CAMK2B: variants seen among roughly 807,000 people sequenced by gnomAD.
CAMK2B encodes calcium/calmodulin-dependent protein kinase type II subunit beta.
A neutral mutation model predicts 93.7 loss-of-function variants in CAMK2B; 27 were observed. The ratio of observed to expected loss-of-function variants is 0.29; its 90% CI spans 0.21 to 0.40. The LOEUF is 0.40. Among genes scored for constraint, CAMK2B ranks in the 10% least tolerant of loss-of-function variants. The pLI, the probability that CAMK2B is intolerant of heterozygous loss-of-function variation, is 1.00. For missense variants in CAMK2B, 568 were observed against 895.8 expected (o/e 0.63, Z 4.67); for synonymous variants, 374 against 358.8 (o/e 1.04, Z -0.48).
chr7:44,220,545 T>G, intron 22 of CAMK2B, 71 bp downstream of exon 22: 2 of 1,335,160 alleles, frequency 1.5e-6, no homozygotes, highest in African/African-American at 2.9e-5. Flanking sequence ...CACCATGCTG[T>G]CCCTGGGAGG....
chr7:44,311,162 A>G lies in CAMK2B; in HGVS notation c.65+14195T>C, dbSNP rs1793443309. Reference sequence around the variant, plus strand: ...GATCTCGGCTCACTGCAACCTCTGCAACCCCCTGGTTCAAGCGATTCTCCT... The same window carrying G: ...GATCTCGGCTCACTGCAACCTCTGCGACCCCCTGGTTCAAGCGATTCTCCT... On this transcript the variant is annotated intron_variant, in intron 1 of 23. Coordinates refer to ENST00000395749, the MANE Select transcript of CAMK2B (RefSeq NM_001220.5). The surrounding 1 kb of genome is among the most constrained non-coding windows in gnomAD (Gnocchi z 4.2). 6.6e-6 allele frequency among the ~76,000 whole-genome samples: 1 copy of G among 152,062 alleles called. No individual in the cohort carries two copies. The highest frequency in any genetic ancestry group is 1.5e-5 in the Non-Finnish European group (1 of 68,002).
At position 44,298,249 on chromosome 7, in the gene CAMK2B, T is replaced by C. The variant is rs537201464; in HGVS notation, c.66-14024A>G. 5.3e-5 allele frequency among the ~76,000 whole-genome samples: 8 copies of C among 152,278 alleles called. No individual in the cohort carries two copies. The East Asian group carries it at 7.7e-4, about 15-fold the overall frequency. On this transcript the variant is annotated intron_variant, in intron 1 of 23. Coordinates refer to ENST00000395749, the MANE Select transcript of CAMK2B (RefSeq NM_001220.5). ...GCCCAGAAATAAATTCTCCCATATA[T>C]TGATTTTCAACAAACGTGTCAAGGG...
chr7:44,306,038 T>A (rs992692626), intron 1 of CAMK2B, among the ~76,000 whole-genome samples: 8 of 151,868 alleles, frequency 5.3e-5, no homozygotes, highest in Non-Finnish European at 8.8e-5. Context: ...ATACCCCAAA[T>A]ACCCAGAGGG....
At chr7:44,239,095 G>A (rs1371851864) in intron 13 of CAMK2B, among the ~76,000 whole-genome samples, 1 of 152,194 alleles carries the variant, frequency 6.6e-6, no homozygotes, top group East Asian at 1.9e-4. Flanking sequence ...GGCTTGTCCT[G>A]GGGGGATGCT....
rs540547741 is a variant in CAMK2B at position 44,283,316 on chromosome 7, A to T, written c.160+815T>A. 3.9e-5 allele frequency among the ~76,000 whole-genome samples: 6 copies of T among 152,166 alleles called. No homozygotes were observed. The East Asian group carries it at 9.7e-4, about 25-fold the overall frequency. ...ACAAGGACAGCACAAGGACAGGGAG[A>T]CCCCACAAGGGCAGGGAGACCCCGT... On this transcript the variant is annotated intron_variant, in intron 2 of 23. Transcript: ENST00000395749.
chr7:44,239,549 C>A, intron 13 of CAMK2B, 40 bp downstream of exon 13: 3 of 1,496,876 alleles, frequency 2.0e-6, no homozygotes, highest in Non-Finnish European at 2.7e-6. Flanking sequence ...GCAGGAGGGA[C>A]GGGCGGGAGC....
intron 2 of CAMK2B, among the ~76,000 whole-genome samples, chr7:44,283,051 T>C (rs1048305677): frequency 6.6e-6 from 1 of 152,158 alleles, no homozygotes; most frequent in Non-Finnish European, 1.5e-5. Flanking sequence ...GGCAGTGACA[T>C]GGGGCTGCCA....
intron 4 of CAMK2B, among the ~76,000 whole-genome samples, chr7:44,257,007 G>A (rs781026292): frequency 1.3e-5 from 2 of 152,194 alleles, no homozygotes; most frequent in Non-Finnish European, 2.9e-5. Context: ...GGGACACATG[G>A]CTGATTCTTG....
At chr7:44,241,342 C>A (rs945746101) in intron 11 of CAMK2B, among the ~76,000 whole-genome samples, 1 of 152,240 alleles carries the variant, frequency 6.6e-6, no homozygotes, top group Non-Finnish European at 1.5e-5. Context: ...CCAAACCTGT[C>A]TGAGCCGGAA....
intron 13 of CAMK2B, among the ~76,000 whole-genome samples, chr7:44,236,267 G>A (rs904185565): frequency 6.6e-6 from 1 of 152,238 alleles, no homozygotes; most frequent in Admixed American, 6.5e-5. Flanking sequence ...TGGGCTCTGT[G>A]GGGACTGGGG....
chr7:44,243,653 C>A (rs1449734610), intron 6 of CAMK2B, 126 bp from the exon 7 acceptor site: 1 of 716,682 alleles, frequency 1.4e-6, no homozygotes, highest in Non-Finnish European at 2.4e-6. Flanking sequence ...CAGGTCTGAG[C>A]CCTGCCCCAT....
chr7:44,314,285 C>G (rs764761013), intron 1 of CAMK2B, among the ~76,000 whole-genome samples: 2 of 152,214 alleles, frequency 1.3e-5, no homozygotes, highest in Non-Finnish European at 2.9e-5. Flanking sequence ...GCAGTCACTG[C>G]CCATCCTCTT....
At position 44,311,248 on chromosome 7, in the gene CAMK2B, G is replaced by T. The variant is rs564756145; in HGVS notation, c.65+14109C>A. 1.3e-5 allele frequency among the ~76,000 whole-genome samples: 2 copies of T among 152,128 alleles called. No individual in the cohort carries two copies. The highest frequency in any genetic ancestry group is 3.9e-4 in the East Asian group (2 of 5,164). On this transcript the variant is annotated intron_variant, in intron 1 of 23. Coordinates refer to ENST00000395749, the MANE Select transcript of CAMK2B (RefSeq NM_001220.5). This position sits in a 1 kb window ranked among gnomAD's most constrained non-coding sequence, Gnocchi z 4.2. The stretch of plus-strand genomic sequence containing the variant: ...ATGCCACCACGCCTGGCACATTTTT[G>T]TATTTTTAGTAGACATGGGGTTTCA...
intron 1 of CAMK2B, 152 bp from the exon 2 acceptor site, chr7:44,284,377 G>C: frequency 1.6e-6 from 1 of 634,504 alleles, no homozygotes; most frequent in Admixed American, 2.6e-5. Flanking sequence ...AAACTGTGAG[G>C]AAGTGGGTGC....
chr7:44,236,647 G>GT (rs1029784156), intron 13 of CAMK2B, among the ~76,000 whole-genome samples: 6 of 152,194 alleles, frequency 3.9e-5, no homozygotes, highest in African/African-American at 1.2e-4. Context: ...CTGCTTCCCT[G>GT]TAACTTGCTA....
chr7:44,306,842 G>A, intron 1 of CAMK2B, among the ~76,000 whole-genome samples: 1 of 148,644 alleles, frequency 6.7e-6, no homozygotes, highest in Non-Finnish European at 1.5e-5. Context: ...AGTAGAATGA[G>A]GAGGGTGTGA....
intron 2 of CAMK2B, among the ~76,000 whole-genome samples, chr7:44,282,818 C>G (rs1025857005): frequency 2.0e-5 from 3 of 152,334 alleles, no homozygotes; most frequent in Admixed American, 2.0e-4. Flanking sequence ...AGAGGAGGCC[C>G]GTCTCTGCCC....
At chr7:44,220,012 C>G in intron 23 of CAMK2B, 48 bp downstream of exon 23, 2 of 1,459,158 alleles carry the variant, frequency 1.4e-6, no homozygotes, top group Non-Finnish European at 1.8e-6. Context: ...GCCACTCACA[C>G]CACCGCCACC....
chr7:44,231,111 G>T (rs932844853), intron 16 of CAMK2B, 57 bp from the exon 17 acceptor site: 3 of 1,432,016 alleles, frequency 2.1e-6, no homozygotes, highest in South Asian at 2.5e-5. Flanking sequence ...GTGGGACGTG[G>T]CTGAGGGCAG....
Sources: gnomAD v4.1 joint callset for allele counts (sites outside exome capture counted in the v4.1 genomes callset) on GRCh38, gnomAD v4.1.1 for gene constraint, Gnocchi (gnomAD v3.1) non-coding constraint, MANE v1.5 for transcripts, NCBI Gene and HGNC (gene_info 2026-07-23, HGNC 2026-07-21) for gene names.